LRBA: variants seen among roughly 807,000 people sequenced by gnomAD.
The protein encoded by LRBA is LPS responsive beige-like anchor protein, also known as lipopolysaccharide-responsive and beige-like anchor protein.
In LRBA, 176 loss-of-function variants were observed where a neutral mutation model predicts 330.0. That is an observed-to-expected ratio of 0.53 (90% CI 0.47 to 0.60). The LOEUF (loss-of-function observed/expected upper bound fraction) is 0.60, where lower values mean the gene tolerates loss of function less well. LRBA is among the 20% of genes least tolerant of loss of function. The probability of loss-of-function intolerance (pLI) is 0.00; values close to 1 mark genes in which losing one functional copy is unlikely to be tolerated. For synonymous variants in LRBA, 1,230 were observed against 1,193.0 expected, an observed-to-expected ratio of 1.03 and a Z score of -0.64; for missense variants, 3,259 against 3,444.8, an observed-to-expected ratio of 0.95 and a Z score of 1.35.
At chr4:151,009,756 G>A (rs1160576854) in intron 2 of LRBA, among the ~76,000 whole-genome samples, 2 of 151,974 alleles carry the variant, frequency 1.3e-5, no homozygotes, top group African/African-American at 2.4e-5. Context: ...CAGGGCGGGT[G>A]GATCACGAGG....
At chr4:151,003,408 A>C (rs991772253) in intron 2 of LRBA, among the ~76,000 whole-genome samples, 14 of 151,918 alleles carry the variant, frequency 9.2e-5, no homozygotes, top group African/African-American at 2.7e-4. Flanking sequence ...AAAAAAAAAA[A>C]AAAAACAAAA....
chr4:150,985,693 T>G (rs1267175105), intron 2 of LRBA, among the ~76,000 whole-genome samples: 2 of 152,064 alleles, frequency 1.3e-5, no homozygotes, highest in African/African-American at 2.4e-5. Context: ...AGAGACGGGA[T>G]TTCATCGTGT....
At chr4:150,559,712 ATTATAGAT>A (rs1767906849) in intron 40 of LRBA, among the ~76,000 whole-genome samples, 1 of 90,568 alleles carries the variant, frequency 1.1e-5, no homozygotes, top group Non-Finnish European at 2.0e-5. Context: ...ATTATATAAT[ATTATAGAT>A]TATATAATAT....
chr4:150,383,235 C>T (rs1742550325), intron 47 of LRBA, among the ~76,000 whole-genome samples: 1 of 151,990 alleles, frequency 6.6e-6, no homozygotes, highest in Admixed American at 6.6e-5. Flanking sequence ...ATATAATTAT[C>T]AGTTTTTAGT....
chr4:150,646,657 A>C (rs900596868), intron 37 of LRBA, among the ~76,000 whole-genome samples: 1 of 152,148 alleles, frequency 6.6e-6, no homozygotes, highest in African/African-American at 2.4e-5. Flanking sequence ...ACATTATGCT[A>C]TCTTGAAGCA....
chr4:150,842,363 G>A (rs76972585), intron 28 of LRBA, among the ~76,000 whole-genome samples: 2,886 of 152,132 alleles, frequency 0.019, 40 homozygotes, highest in South Asian at 0.029. Context: ...CATAGCTCAC[G>A]GTAACCTTGA....
chr4:150,503,316 C>A (rs1760556920), intron 40 of LRBA, among the ~76,000 whole-genome samples: 1 of 152,214 alleles, frequency 6.6e-6, no homozygotes, highest in Non-Finnish European at 1.5e-5. Flanking sequence ...TAGGGGCGGA[C>A]TGACACCTCA....
chr4:150,696,297 A>T (rs1425125396), intron 36 of LRBA, among the ~76,000 whole-genome samples: 3 of 152,188 alleles, frequency 2.0e-5, no homozygotes, highest in Admixed American at 2.0e-4. Flanking sequence ...GAAAATAAGC[A>T]ATTATGTATA....
intron 37 of LRBA, chr4:150,679,460 T>C (rs1408069920): frequency 6.6e-6 from 1 of 152,206 alleles, no homozygotes; most frequent in East Asian, 1.9e-4. Context: ...TACAGAGGCA[T>C]ACTGTTTCAA....
chr4:150,306,518 G>A (rs186279752), intron 52 of LRBA, among the ~76,000 whole-genome samples: 11 of 152,128 alleles, frequency 7.2e-5, no homozygotes, highest in South Asian at 2.1e-4. Flanking sequence ...CAGGACTATC[G>A]TTTGAGATTT....
chr4:150,653,861 C>T (rs1454309593), intron 37 of LRBA, among the ~76,000 whole-genome samples: 3 of 151,896 alleles, frequency 2.0e-5, no homozygotes, highest in East Asian at 3.9e-4. Flanking sequence ...GAATTCATTC[C>T]GTATTTTTTC....
rs1177257539 is a variant in LRBA, at chr4:150,624,272, T to C, written c.5922-25141A>G. 2.7e-5 allele frequency among the ~76,000 whole-genome samples: 4 copies of C among 149,008 alleles called. No individual in the cohort carries two copies. The East Asian group carries it at 7.9e-4, about 29-fold the overall frequency. ...TATGAAAATGCAGTCATTCACTGCC[T>C]TTCCTCTGTATAACAATGCCAAACC... On this transcript the variant is annotated intron_variant, in intron 37 of 56. Coordinates refer to ENST00000651943, the MANE Select transcript of LRBA (RefSeq NM_001364905.1).
chr4:150,376,780 C>A (rs1054202685), intron 47 of LRBA, among the ~76,000 whole-genome samples: 2 of 152,084 alleles, frequency 1.3e-5, no homozygotes, highest in Non-Finnish European at 2.9e-5. Context: ...AAGATAACCC[C>A]GGGTGTTTTT....
At chr4:150,851,736 T>C (rs963326631) in intron 23 of LRBA, 149 bp downstream of exon 23, 8 of 778,288 alleles carry the variant, frequency 1.0e-5, no homozygotes, top group South Asian at 5.7e-5. Flanking sequence ...GTGCTAATGA[T>C]CTGAAATACA....
At position 150,537,002 on chromosome 4, in the gene LRBA, A is replaced by C. The variant is rs115998583; in HGVS notation, c.6331-45967T>G. ...ACTATTCTAAAATCATATGGAAGCA[A>C]AAAAGAGGCTGAATAGCCAAAACAA... On this transcript the variant is annotated intron_variant, in intron 40 of 56. Coordinates refer to ENST00000651943, the MANE Select transcript of LRBA (RefSeq NM_001364905.1). Among the ~76,000 whole-genome samples the C allele has an allele frequency of 5.6e-3, 860 of 152,354 alleles. 8 individuals are homozygous for C. The highest frequency in any genetic ancestry group is 0.02 in the African/African-American group (837 of 41,584).
intron 40 of LRBA, among the ~76,000 whole-genome samples, chr4:150,560,985 C>CA (rs904416164): frequency 2.5e-4 from 38 of 150,434 alleles, no homozygotes; most frequent in African/African-American, 8.3e-4. Flanking sequence ...AACTCCATCT[C>CA]AAAAAAAAGA....
At chr4:150,759,179 G>A (rs1259865246) in intron 35 of LRBA, among the ~76,000 whole-genome samples, 1 of 152,176 alleles carries the variant, frequency 6.6e-6, no homozygotes, top group Non-Finnish European at 1.5e-5. Context: ...GCCTCCGAAA[G>A]TGCTGGGATT....
chr4:150,626,140 G>A (rs1243864276), intron 37 of LRBA, among the ~76,000 whole-genome samples: 1 of 152,010 alleles, frequency 6.6e-6, no homozygotes, highest in African/African-American at 2.4e-5. Flanking sequence ...TGGAAACTTG[G>A]GTATTTAACA....
chr4:150,406,741 T>C (rs181271808), intron 47 of LRBA, among the ~76,000 whole-genome samples: 9 of 152,296 alleles, frequency 5.9e-5, no homozygotes, highest in South Asian at 2.1e-4. Flanking sequence ...TGTAAAATGC[T>C]ACATTACATG....
Sources: gnomAD v4.1 joint callset for allele counts (sites outside exome capture counted in the v4.1 genomes callset) on GRCh38, gnomAD v4.1.1 for gene constraint, MANE v1.5 for transcripts, NCBI Gene and HGNC (gene_info 2026-07-23, HGNC 2026-07-21) for gene names.